Variants in RGS12 observed in about 807,000 individuals in gnomAD.
RGS12 encodes the protein regulator of G-protein signaling 12.
RGS12 carries 66 observed loss-of-function variants against 120.1 expected under a neutral mutation model. That is an observed-to-expected ratio of 0.55 (90% confidence interval 0.45 to 0.67). The LOEUF is 0.67. Among genes scored for constraint, RGS12 ranks in the 30% least tolerant of loss-of-function variants. RGS12 has a pLI of 0.00. For missense variants in RGS12, 1,859 were observed against 1,957.7 expected, an observed-to-expected ratio of 0.95 and a Z score of 0.95; for synonymous variants, 827 against 804.7, an observed-to-expected ratio of 1.03 and a Z score of -0.47.
intron 2 of RGS12, among the ~76,000 whole-genome samples, chr4:3,318,857 T>A (rs767084640): frequency 1.8e-4 from 27 of 152,186 alleles, no homozygotes; most frequent in Non-Finnish European, 3.7e-4. Flanking sequence ...CGTGTGGGGC[T>A]GTGCTGTGTT....
chr4:3,326,382 A>T lies in RGS12; in HGVS notation c.1881+8331A>T, dbSNP rs559838542. Among the ~76,000 whole-genome samples the T allele has an allele frequency of 2.1e-3, 316 of 152,262 alleles. 1 individual carries two copies. The highest frequency in any genetic ancestry group is 6.8e-3 in the Middle Eastern group (2 of 294). ...CCGCCTCAGCCTCCCAAGTAGCTAG[A>T]ACTACAGGTGCATACTACCATGCCT... On this transcript the variant is annotated intron_variant, in intron 2 of 17. Coordinates refer to ENST00000336727, the MANE Select transcript of RGS12 (RefSeq NM_001394154.1).
intron 4 of RGS12, among the ~76,000 whole-genome samples, chr4:3,404,822 G>T (rs944244827): frequency 3.9e-5 from 6 of 152,268 alleles, no homozygotes; most frequent in Non-Finnish European, 8.8e-5. Context: ...CCTCTTTTCT[G>T]TAGAGGGTGT....
chr4:3,308,594 C>A (rs1417154245), intron 1 of RGS12, among the ~76,000 whole-genome samples: 1 of 152,212 alleles, frequency 6.6e-6, no homozygotes, highest in Non-Finnish European at 1.5e-5. Context: ...CAGGCCACCA[C>A]CTGGCTGCCT....
At position 3,391,362 on chromosome 4, in the gene RGS12, C is replaced by G. The variant is rs1719480953; in HGVS notation, c.2020+4925C>G. On this transcript the variant is annotated intron_variant, in intron 4 of 17. Transcript: ENST00000336727. ...CAAGATATTTGGAGAGTTTTTATTA[C>G]TAGTTTTTAATATTGTGAAATTATT... 2.0e-5 allele frequency among the ~76,000 whole-genome samples: 3 copies of G among 152,212 alleles called. No homozygotes were observed. The South Asian group carries it at 6.2e-4, about 32-fold the overall frequency.
At chr4:3,313,533 T>G (rs1376853067) in intron 1 of RGS12, among the ~76,000 whole-genome samples, 1 of 152,224 alleles carries the variant, frequency 6.6e-6, no homozygotes, top group African/African-American at 2.4e-5. Context: ...AAGAAATTAC[T>G]GCAAACTGGG....
chr4:3,434,093 T>A (rs1442063600), intron 17 of RGS12, among the ~76,000 whole-genome samples: 2 of 152,148 alleles, frequency 1.3e-5, no homozygotes, highest in African/African-American at 4.8e-5. Flanking sequence ...CTAGGTAATT[T>A]ATAAAGAAAA....
At position 3,372,360 on chromosome 4, in the gene RGS12, G is replaced by A. The variant is rs1021784437; in HGVS notation, c.1999-14056G>A. ...AGGGTCCTGGGTGGGACTTTCCGGGGCAGTTCCACCTCTCCTGTGAGTTGT... is the reference window on the plus strand; with the variant it reads ...AGGGTCCTGGGTGGGACTTTCCGGGACAGTTCCACCTCTCCTGTGAGTTGT... On this transcript the variant is annotated intron_variant, in intron 3 of 17. Coordinates refer to ENST00000336727, the MANE Select transcript of RGS12 (RefSeq NM_001394154.1). The surrounding 1 kb of genome is among the most constrained non-coding windows in gnomAD (Gnocchi z 4.3). 9.9e-5 allele frequency among the ~76,000 whole-genome samples: 15 copies of A among 152,198 alleles called. No homozygotes were observed. The highest frequency in any genetic ancestry group is 2.2e-4 in the Non-Finnish European group (15 of 68,034).
chr4:3,302,024 T>C (rs1723713816), intron 1 of RGS12, among the ~76,000 whole-genome samples: 1 of 151,936 alleles, frequency 6.6e-6, no homozygotes, highest in Non-Finnish European at 1.5e-5. Flanking sequence ...GGCAACTCCA[T>C]TTATAGTCTC....
At chr4:3,326,078 A>G (rs1321712692) in intron 2 of RGS12, among the ~76,000 whole-genome samples, 1 of 152,208 alleles carries the variant, frequency 6.6e-6, no homozygotes, top group Non-Finnish European at 1.5e-5. Flanking sequence ...CAAAAGGGGA[A>G]AAGTTGAAAG....
intron 1 of RGS12, among the ~76,000 whole-genome samples, chr4:3,313,575 C>T (rs1486796493): frequency 6.6e-6 from 1 of 152,200 alleles, no homozygotes; most frequent in Non-Finnish European, 1.5e-5. Flanking sequence ...CATTCTCCTG[C>T]GTTTTCGGGG....
chr4:3,316,538 A>G lies in RGS12; in HGVS notation c.368A>G (p.Lys123Arg). The G allele has an allele frequency of 3.1e-6, 5 of 1,614,190 alleles. No homozygotes were observed. The highest frequency in any genetic ancestry group is 4.2e-6 in the Non-Finnish European group (5 of 1,180,042). The change falls in exon 2 of 18, where the codon AAG (lysine) becomes AGG (arginine). Residue 123 changes from lysine (K) to arginine (R), a missense_variant. Physicochemically the swap from Lys to Arg is conservative, Grantham distance 26. Transcript: ENST00000336727. The stretch of plus-strand genomic sequence containing the variant: ...GAAGGAAAAGGCTGGCTGAAGCCCA[A>G]GCTGGATTCTAAAGCACTAGGTATA... ...LYEGKGWLKP[K>R]LDSKALGINR...
At chr4:3,345,542 A>G (rs1046151145) in intron 3 of RGS12, among the ~76,000 whole-genome samples, 2 of 152,216 alleles carry the variant, frequency 1.3e-5, no homozygotes, top group African/African-American at 4.8e-5. Flanking sequence ...ACTGGTGACC[A>G]GGAGTCAGTG....
intron 16 of RGS12, among the ~76,000 whole-genome samples, chr4:3,429,878 G>A (rs919090444): frequency 3.9e-5 from 6 of 152,168 alleles, no homozygotes; most frequent in East Asian, 3.9e-4. Flanking sequence ...AGAGGCAGGC[G>A]TGGATTTGAG....
rs934102774 is a variant in RGS12, at chr4:3,390,721, T to C, written c.2020+4284T>C. 2.0e-5 allele frequency among the ~76,000 whole-genome samples: 3 copies of C among 152,198 alleles called. No homozygotes were observed. The highest frequency in any genetic ancestry group is 7.2e-5 in the African/African-American group (3 of 41,442). ...AGGCCGATCTCTTGGGGCAAGTCACTTTCTCTCTCCTAGCCTTGTGTCTTC... is the reference window on the plus strand; with the variant it reads ...AGGCCGATCTCTTGGGGCAAGTCACCTTCTCTCTCCTAGCCTTGTGTCTTC... On this transcript the variant is annotated intron_variant, in intron 4 of 17. Transcript: ENST00000336727. The surrounding 1 kb of genome is among the most constrained non-coding windows in gnomAD (Gnocchi z 4.6).
At chr4:3,338,180 C>T (rs1035000175) in intron 2 of RGS12, among the ~76,000 whole-genome samples, 9 of 152,232 alleles carry the variant, frequency 5.9e-5, no homozygotes, top group African/African-American at 1.4e-4. Flanking sequence ...CCTGCCTCAG[C>T]CTTCTGAGTA....
chr4:3,320,674 A>T (rs16844163), intron 2 of RGS12, among the ~76,000 whole-genome samples: 5,813 of 152,228 alleles, frequency 0.038, 293 homozygotes, highest in African/African-American at 0.12. Flanking sequence ...TTGAGGTTTA[A>T]GTGTTGCTGT....
At chr4:3,429,570 G>A (rs1420715116) in intron 16 of RGS12, among the ~76,000 whole-genome samples, 4 of 152,234 alleles carry the variant, frequency 2.6e-5, no homozygotes, top group Non-Finnish European at 5.9e-5. Context: ...AAAACTCCGA[G>A]TATAATTCCA....
intron 2 of RGS12, 80 bp downstream of exon 2, chr4:3,318,131 A>T: frequency 1.6e-6 from 2 of 1,284,518 alleles, no homozygotes; most frequent in Non-Finnish European, 2.2e-6. Flanking sequence ...CCCAGTCACC[A>T]GCTTGCACAG....
At chr4:3,348,887 T>C (rs1212742824) in intron 3 of RGS12, among the ~76,000 whole-genome samples, 1 of 152,128 alleles carries the variant, frequency 6.6e-6, no homozygotes, top group Non-Finnish European at 1.5e-5. Flanking sequence ...GCTGTCAGAT[T>C]CACCTGGAGA....
Sources: gnomAD v4.1 joint callset for allele counts (sites outside exome capture counted in the v4.1 genomes callset) on GRCh38, gnomAD v4.1.1 for gene constraint, Gnocchi (gnomAD v3.1) non-coding constraint, MANE v1.5 for transcripts, NCBI Gene and HGNC (gene_info 2026-07-23, HGNC 2026-07-21) for gene names.